Variants in TAF3 observed in about 807,000 individuals in gnomAD.
TAF3 encodes the protein transcription initiation factor TFIID subunit 3.
A neutral mutation model predicts 80.6 loss-of-function variants in TAF3; 7 were observed. The observed-to-expected ratio is 0.09, with a 90% CI of 0.05 to 0.16. The LOEUF (loss-of-function observed/expected upper bound fraction) is 0.16, where lower values mean the gene tolerates loss of function less well. Ranked by LOEUF, TAF3 falls within the 10% of genes least tolerant of loss-of-function variation. The pLI, the probability that TAF3 is intolerant of heterozygous loss-of-function variation, is 1.00. For synonymous variants in TAF3, 444 were observed against 446.1 expected (o/e 1.00, Z 0.06); for missense variants, 921 against 1,140.2 (o/e 0.81, Z 2.77).
intron 2 of TAF3, among the ~76,000 whole-genome samples, chr10:7,959,387 ATTCAT>A (rs1838168334): frequency 6.6e-6 from 1 of 152,242 alleles, no homozygotes; most frequent in South Asian, 2.1e-4. Flanking sequence ...TAGTTTTATA[ATTCAT>A]TTCTATTCCT....
chr10:7,819,252 C>T (rs981042544), intron 1 of TAF3, among the ~76,000 whole-genome samples: 1 of 152,094 alleles, frequency 6.6e-6, no homozygotes. Context: ...TCTCCCTTGC[C>T]CGCAAACTAC....
At chr10:7,845,432 A>T (rs1319165453) in intron 2 of TAF3, among the ~76,000 whole-genome samples, 1 of 152,128 alleles carries the variant, frequency 6.6e-6, no homozygotes, top group Admixed American at 6.6e-5. Context: ...ATTAATTTCT[A>T]TTTGCTGGGC....
intron 2 of TAF3, among the ~76,000 whole-genome samples, chr10:7,855,393 C>T (rs1400280513): frequency 6.6e-6 from 1 of 152,214 alleles, no homozygotes; most frequent in African/African-American, 2.4e-5. Flanking sequence ...GCAGGGATGG[C>T]ATCCTGAAAA....
At chr10:7,962,083 T>C (rs1310379049) in intron 2 of TAF3, among the ~76,000 whole-genome samples, 3 of 152,184 alleles carry the variant, frequency 2.0e-5, no homozygotes, top group African/African-American at 7.2e-5. Flanking sequence ...ACTCCTGGGC[T>C]CAGGTAATCC....
At chr10:7,929,679 T>C (rs1837850479) in intron 2 of TAF3, among the ~76,000 whole-genome samples, 1 of 152,188 alleles carries the variant, frequency 6.6e-6, no homozygotes, top group Non-Finnish European at 1.5e-5. Flanking sequence ...TATTTTTTAA[T>C]GTTCACATTG....
intron 2 of TAF3, among the ~76,000 whole-genome samples, chr10:7,887,896 G>A (rs895697416): frequency 1.6e-4 from 25 of 151,984 alleles, no homozygotes; most frequent in African/African-American, 5.3e-4. Flanking sequence ...CCAGGCCAGG[G>A]ATTCCAGCTC....
At chr10:7,885,883 A>G (rs1837404375) in intron 2 of TAF3, among the ~76,000 whole-genome samples, 1 of 152,028 alleles carries the variant, frequency 6.6e-6, no homozygotes, top group Non-Finnish European at 1.5e-5. Flanking sequence ...TTAGGGTTTT[A>G]AGTTTGGAGA....
intron 2 of TAF3, among the ~76,000 whole-genome samples, chr10:7,933,804 A>G (rs1360599594): frequency 6.6e-6 from 1 of 152,242 alleles, no homozygotes; most frequent in East Asian, 1.9e-4. Flanking sequence ...AATTATGGAA[A>G]TCATCTTAAG....
chr10:7,968,810 T>G (rs909210734), intron 3 of TAF3, among the ~76,000 whole-genome samples: 13 of 152,196 alleles, frequency 8.5e-5, no homozygotes, highest in Non-Finnish European at 1.6e-4. Context: ...TTTTCTATAT[T>G]ATGTTAAAAT....
intron 2 of TAF3, among the ~76,000 whole-genome samples, chr10:7,884,728 A>G (rs1439571203): frequency 6.6e-6 from 1 of 152,162 alleles, no homozygotes; most frequent in Non-Finnish European, 1.5e-5. Context: ...AATCCAGGGC[A>G]CTAGGACTGG....
chr10:7,891,066 G>A (rs1347939295), intron 2 of TAF3, among the ~76,000 whole-genome samples: 1 of 152,248 alleles, frequency 6.6e-6, no homozygotes, highest in East Asian at 1.9e-4. Context: ...CAGGCAGTGA[G>A]TGACAGCAGA....
At chr10:7,977,414 C>T in intron 4 of TAF3, 91 bp downstream of exon 4, 1 of 1,254,970 alleles carries the variant, frequency 8.0e-7, no homozygotes, top group Non-Finnish European at 1.1e-6. Context: ...ACAAGCTTCT[C>T]CCAGGTATGA....
intron 2 of TAF3, among the ~76,000 whole-genome samples, chr10:7,923,498 ATG>A (rs919315723): frequency 6.6e-6 from 1 of 151,832 alleles, no homozygotes; most frequent in Non-Finnish European, 1.5e-5. Context: ...CCATATCTTT[ATG>A]TTTAAAATAT....
intron 2 of TAF3, among the ~76,000 whole-genome samples, chr10:7,945,809 C>A (rs575138488): frequency 6.6e-6 from 1 of 152,328 alleles, no homozygotes; most frequent in African/African-American, 2.4e-5. Flanking sequence ...TTTCTCTCCA[C>A]ACACATTATC....
At chr10:7,979,731 G>C (rs1437022917) in intron 4 of TAF3, among the ~76,000 whole-genome samples, 1 of 150,714 alleles carries the variant, frequency 6.6e-6, no homozygotes, top group African/African-American at 2.4e-5. Flanking sequence ...AATTAAAATA[G>C]AGCGAGAAAG....
intron 2 of TAF3, among the ~76,000 whole-genome samples, chr10:7,898,630 C>A (rs939118215): frequency 6.6e-6 from 1 of 151,938 alleles, no homozygotes; most frequent in African/African-American, 2.4e-5. Flanking sequence ...CTCTCTCCCC[C>A]TCAGTTGTAA....
Position 7,861,564 on chromosome 10 carries a change from AT to A in TAF3, c.409+37005del, listed in dbSNP as rs1837148012. Among the ~76,000 whole-genome samples, 4 of 152,310 alleles carry A rather than the reference AT, an allele frequency of 2.6e-5. No homozygotes were observed. In the South Asian group the frequency reaches 6.2e-4, roughly 24 times the overall value. ...CATTTCTCAAAAAAGTCCATAAAAA[AT>A]GATTATATAATTCTGTACTGATTTT... On this transcript the variant is annotated intron_variant, in intron 2 of 6. Transcript: ENST00000344293.
At chr10:7,879,595 A>G (rs1313586818) in intron 2 of TAF3, among the ~76,000 whole-genome samples, 2 of 152,310 alleles carry the variant, frequency 1.3e-5, no homozygotes, top group South Asian at 2.1e-4. Flanking sequence ...AAGTGTAAAC[A>G]CCGGCTCTTT....
At chr10:7,902,877 T>C (rs893170613) in intron 2 of TAF3, among the ~76,000 whole-genome samples, 24 of 152,214 alleles carry the variant, frequency 1.6e-4, no homozygotes, top group Admixed American at 1.4e-3. Flanking sequence ...CTTCCACTTC[T>C]GTACCCTTTT....
Sources: allele counts gnomAD v4.1 joint callset (sites outside exome capture counted in the v4.1 genomes callset), GRCh38; gene constraint gnomAD v4.1.1; transcripts MANE v1.5; gene names NCBI Gene and HGNC (gene_info 2026-07-23, HGNC 2026-07-21).